FER1L6: variants seen among roughly 807,000 people sequenced by gnomAD.
The protein encoded by FER1L6 is fer-1-like protein 6.
Under a neutral mutation model 219.2 loss-of-function variants are expected in FER1L6, and 177 were observed. That is an observed-to-expected ratio of 0.81 (90% confidence interval 0.71 to 0.91). The LOEUF (loss-of-function observed/expected upper bound fraction) is 0.91. Ranked by LOEUF, FER1L6 falls within the 40% of genes least tolerant of loss-of-function variation. The pLI, the probability that FER1L6 is intolerant of heterozygous loss-of-function variation, is 0.00. For missense variants in FER1L6, 2,153 were observed against 2,259.9 expected, an observed-to-expected ratio of 0.95 and a Z score of 0.96; for synonymous variants, 768 against 824.3, an observed-to-expected ratio of 0.93 and a Z score of 1.17.
rs1242254665 is a variant in FER1L6, at chr8:124,035,541, T to C, written c.2464+87T>C. ...ATAAGGAGGGCAGCATGCATGAGTTTTTTGCACATTATTTTAGGGCCAACT... is the reference window on the plus strand; with the variant it reads ...ATAAGGAGGGCAGCATGCATGAGTTCTTTGCACATTATTTTAGGGCCAACT... On this transcript the variant is annotated intron_variant, in intron 19 of 40. Transcript: ENST00000522917. The C allele has an allele frequency of 4.4e-6, 6 of 1,350,964 alleles. No homozygotes were observed. The Admixed American group carries it at 1.5e-4, about 34-fold the overall frequency. The allele number at this position is 1,350,964 out of a possible 1,614,324, so 83.7% of individuals were successfully genotyped here. A position where few individuals can be genotyped will look rare whatever the true frequency, so the allele number is the denominator to read the frequency against.
At chr8:123,961,225 G>A (rs7465258) in intron 2 of FER1L6, among the ~76,000 whole-genome samples, 54,110 of 151,962 alleles carry the variant, frequency 0.36, 9,966 homozygotes, top group Non-Finnish European at 0.41. Context: ...TTGCCACTGC[G>A]TCCCAGCTCC....
chr8:124,092,929 C>T (rs1822106151), intron 34 of FER1L6, among the ~76,000 whole-genome samples: 1 of 149,772 alleles, frequency 6.7e-6, no homozygotes, highest in Non-Finnish European at 1.5e-5. Context: ...GATCTAGGCT[C>T]ACTGCAACCT....
At chr8:123,869,576 A>G (rs1816892446) in intron 1 of FER1L6, among the ~76,000 whole-genome samples, 1 of 152,260 alleles carries the variant, frequency 6.6e-6, no homozygotes, top group African/African-American at 2.4e-5. Flanking sequence ...AGAGATATTT[A>G]TGAATCGGAC....
At chr8:123,935,030 G>A (rs1271952455) in intron 1 of FER1L6, among the ~76,000 whole-genome samples, 1 of 152,042 alleles carries the variant, frequency 6.6e-6, no homozygotes, top group Admixed American at 6.5e-5. Context: ...TATAAATTGC[G>A]CAGTCTCAGG....
chr8:124,054,509 T>C (rs1820194423), intron 22 of FER1L6, among the ~76,000 whole-genome samples: 1 of 152,218 alleles, frequency 6.6e-6, no homozygotes, highest in Admixed American at 6.5e-5. Context: ...TAAGTGTTAA[T>C]ATTCCCTGAA....
At chr8:123,931,311 G>T (rs1813752952) in intron 1 of FER1L6, among the ~76,000 whole-genome samples, 1 of 152,184 alleles carries the variant, frequency 6.6e-6, no homozygotes. Flanking sequence ...ACTGGTAGAA[G>T]ACTGGAAGAA....
chr8:123,897,263 A>G (rs1258528474), intron 1 of FER1L6, among the ~76,000 whole-genome samples: 1 of 152,116 alleles, frequency 6.6e-6, no homozygotes, highest in Non-Finnish European at 1.5e-5. Context: ...TTTGCAAATT[A>G]TGAGTCAATT....
At chr8:123,884,350 C>T (rs1028008435) in intron 1 of FER1L6, among the ~76,000 whole-genome samples, 6 of 143,620 alleles carry the variant, frequency 4.2e-5, no homozygotes, top group African/African-American at 1.6e-4. Context: ...CTCCCAGCCA[C>T]GAAGCTGCCA....
At chr8:123,966,383 T>C in intron 5 of FER1L6, 93 bp downstream of exon 5, 1 of 1,509,044 alleles carries the variant, frequency 6.6e-7, no homozygotes. Flanking sequence ...GCTGTGCCCC[T>C]CCTGCCTCCC....
chr8:123,947,244 T>TA (rs747145706), intron 1 of FER1L6, among the ~76,000 whole-genome samples: 81 of 133,880 alleles, frequency 6.1e-4, no homozygotes, highest in African/African-American at 1.2e-3. Context: ...AGACTCAGTC[T>TA]AAAAAAAAAA....
Position 124,077,645 on chromosome 8 carries a change from G to A in FER1L6, c.4220+1320G>A, listed in dbSNP as rs573969645. Reference sequence around the variant, plus strand: ...CAACCGCTTGGCAGGCACTTTTTATGAGCTACTTTCACCACAGTGCCATGA... The same window carrying A: ...CAACCGCTTGGCAGGCACTTTTTATAAGCTACTTTCACCACAGTGCCATGA... On this transcript the variant is annotated intron_variant, in intron 32 of 40. Transcript: ENST00000522917. Among the ~76,000 whole-genome samples the A allele has an allele frequency of 5.9e-5, 9 of 152,160 alleles. No homozygotes were observed. In the East Asian group the frequency reaches 1.7e-3, roughly 29 times the overall value.
At chr8:123,939,218 C>A in intron 1 of FER1L6, 1 of 983,010 alleles carries the variant, frequency 1.0e-6, no homozygotes, top group Non-Finnish European at 1.2e-6. Context: ...ACATCTTGTC[C>A]ATTCAGTTTG....
intron 22 of FER1L6, among the ~76,000 whole-genome samples, chr8:124,054,131 A>C (rs1287358751): frequency 6.6e-6 from 1 of 152,038 alleles, no homozygotes; most frequent in Non-Finnish European, 1.5e-5. Context: ...GCTCATCTGA[A>C]CGTTACATTG....
intron 32 of FER1L6, among the ~76,000 whole-genome samples, chr8:124,078,133 G>A (rs745659072): frequency 6.6e-6 from 1 of 152,188 alleles, no homozygotes; most frequent in Non-Finnish European, 1.5e-5. Flanking sequence ...TAGCACCTAG[G>A]ACAGGGCCTG....
At chr8:123,977,802 G>A (rs909937451) in intron 10 of FER1L6, among the ~76,000 whole-genome samples, 193 bp downstream of exon 10, 3 of 152,064 alleles carry the variant, frequency 2.0e-5, no homozygotes, top group Non-Finnish European at 4.4e-5. Context: ...TCAGATCATC[G>A]GGCATTAGTC....
chr8:123,976,592 G>A (rs924754215), intron 9 of FER1L6, among the ~76,000 whole-genome samples: 30 of 152,064 alleles, frequency 2.0e-4, no homozygotes, highest in Admixed American at 1.4e-3. Flanking sequence ...GGAGAAAATG[G>A]AAAGGAGCTA....
chr8:124,036,024 C>T (rs894046565), intron 19 of FER1L6: 3 of 152,168 alleles, frequency 2.0e-5, no homozygotes, highest in Non-Finnish European at 4.4e-5. Flanking sequence ...TGTTTTGATA[C>T]ATTTTTGAGT....
At chr8:123,874,770 C>T (rs989242792) in intron 1 of FER1L6, among the ~76,000 whole-genome samples, 14 of 152,194 alleles carry the variant, frequency 9.2e-5, no homozygotes, top group Non-Finnish European at 2.9e-5. Flanking sequence ...CTTCTCTCTC[C>T]TGAATCATCA....
In FER1L6 at chr8:124,095,049, A is replaced by C; in HGVS notation, c.4695+11A>C. On this transcript the variant is annotated intron_variant, in intron 35 of 40. Coordinates refer to ENST00000522917, the MANE Select transcript of FER1L6 (RefSeq NM_001039112.2). ...CCAGGAATGGAGCAGGTAGTGGGCA[A>C]GACTATTCTGGCCCTAAAAGTTAAT... is the stretch of plus-strand genomic sequence containing the variant. 6.2e-7 allele frequency: 1 copy of C among 1,613,934 alleles called. No homozygotes were observed. The highest frequency in any genetic ancestry group is 8.5e-7 in the Non-Finnish European group (1 of 1,179,888).
Sources: allele counts gnomAD v4.1 joint callset (sites outside exome capture counted in the v4.1 genomes callset), GRCh38; gene constraint gnomAD v4.1.1; transcripts MANE v1.5; gene names NCBI Gene and HGNC (gene_info 2026-07-23, HGNC 2026-07-21).